Variants in LINGO2 observed in about 807,000 individuals in gnomAD.
LINGO2 encodes leucine-rich repeat and immunoglobulin-like domain-containing nogo receptor-interacting protein 2.
LINGO2 carries 14 observed loss-of-function variants against 30.6 expected under a neutral mutation model. That is an observed-to-expected ratio of 0.46 (90% CI 0.30 to 0.72). LINGO2 has a LOEUF of 0.72. Ranked by LOEUF, LINGO2 falls within the 30% of genes least tolerant of loss-of-function variation. The pLI is 0.07. For synonymous variants in LINGO2, 317 were observed against 288.5 expected, an observed-to-expected ratio of 1.10 and a Z score of -1.00; for missense variants, 729 against 751.7, an observed-to-expected ratio of 0.97 and a Z score of 0.35.
intron 3 of LINGO2, among the ~76,000 whole-genome samples, chr9:28,301,299 C>CCACT (rs1367592689): frequency 6.6e-6 from 1 of 151,962 alleles, no homozygotes; most frequent in Non-Finnish European, 1.5e-5. Flanking sequence ...GAGTCACCAT[C>CCACT]CACTGCTCTC....
intron 5 of LINGO2, among the ~76,000 whole-genome samples, chr9:27,952,178 T>TA (rs926900977): frequency 1.3e-5 from 2 of 151,970 alleles, no homozygotes; most frequent in Non-Finnish European, 1.5e-5. Flanking sequence ...AAATGTAATT[T>TA]AAAAAAAATT....
the LINGO2 span, among the ~76,000 whole-genome samples, chr9:28,893,848 C>G: frequency 1.3e-5 from 2 of 151,528 alleles, no homozygotes; most frequent in African/African-American, 4.9e-5. Context: ...TGTGCTGCAC[C>G]CATTCACTGG....
intron 2 of LINGO2, among the ~76,000 whole-genome samples, chr9:28,452,321 C>T (rs940124835): frequency 5.3e-5 from 8 of 151,644 alleles, no homozygotes; most frequent in South Asian, 2.1e-4. Flanking sequence ...ACAGCTTTCA[C>T]GAACTACATT....
At chr9:28,482,642 A>G (rs77465196) in intron 1 of LINGO2, among the ~76,000 whole-genome samples, 3 of 151,822 alleles carry the variant, frequency 2.0e-5, no homozygotes, top group South Asian at 2.1e-4. Context: ...GATCCCATTT[A>G]TCAATTTTGG....
chr9:28,551,502 C>A lies in LINGO2; in HGVS notation c.-364-75477G>T, dbSNP rs184588833. Among the ~76,000 whole-genome samples the A allele has an allele frequency of 6.5e-3, 984 of 151,866 alleles. 8 individuals carry two copies. Among genetic ancestry groups the A allele is most frequent in the Admixed American group, 0.013 (191 of 15,222 alleles). On this transcript the variant is annotated intron_variant, in intron 1 of 5. Coordinates refer to ENST00000379992, the Ensembl canonical transcript of LINGO2. Reference sequence around the variant, plus strand: ...TAAAATTTCCAGTGTTCTAAAATAACAATATTTTAAAATTATGTTCTGCTT... The same window carrying A: ...TAAAATTTCCAGTGTTCTAAAATAAAAATATTTTAAAATTATGTTCTGCTT...
the LINGO2 span, among the ~76,000 whole-genome samples, chr9:28,732,212 C>G: frequency 9.7e-4 from 147 of 152,186 alleles, no homozygotes; most frequent in African/African-American, 3.2e-3. Flanking sequence ...TCAGCCCTCA[C>G]TGATCTGCAG....
chr9:28,769,944 C>G, the LINGO2 span, among the ~76,000 whole-genome samples: 246 of 152,196 alleles, frequency 1.6e-3, 1 homozygote, highest in African/African-American at 5.6e-3. Context: ...CTAGCTCTCT[C>G]TCCTAACTTC....
At chr9:28,942,430 CA>C in the LINGO2 span, among the ~76,000 whole-genome samples, 1 of 152,052 alleles carries the variant, frequency 6.6e-6, no homozygotes, top group Admixed American at 6.6e-5. Context: ...TAGAAATCAC[CA>C]AAAACCAAAT....
intron 3 of LINGO2, among the ~76,000 whole-genome samples, chr9:28,325,096 C>T (rs746284030): frequency 1.2e-4 from 18 of 151,762 alleles, no homozygotes; most frequent in Non-Finnish European, 2.1e-4. Context: ...TCTCCCCCTA[C>T]CTATCCCCCA....
chr9:28,617,369 C>G (rs1404041833), intron 1 of LINGO2, among the ~76,000 whole-genome samples: 1 of 151,602 alleles, frequency 6.6e-6, no homozygotes, highest in Non-Finnish European at 1.5e-5. Context: ...GATCTCGGAT[C>G]ACTGCAACTT....
At chr9:28,134,237 C>T (rs987874892) in intron 4 of LINGO2, among the ~76,000 whole-genome samples, 2 of 152,252 alleles carry the variant, frequency 1.3e-5, no homozygotes, top group East Asian at 3.9e-4. Flanking sequence ...TTTCACTTAG[C>T]AGCCACAGTG....
intron 1 of LINGO2, among the ~76,000 whole-genome samples, chr9:28,535,590 A>G (rs1374813978): frequency 6.6e-6 from 1 of 152,156 alleles, no homozygotes; most frequent in Non-Finnish European, 1.5e-5. Context: ...GCAGCAAGGT[A>G]GGCTAAGACT....
intron 1 of LINGO2, among the ~76,000 whole-genome samples, chr9:28,490,997 T>G (rs1022671164): frequency 6.6e-6 from 1 of 152,148 alleles, no homozygotes; most frequent in Non-Finnish European, 1.5e-5. Flanking sequence ...GTATATAGAG[T>G]TACTAGAAAA....
At chr9:28,207,719 C>G (rs1041112199) in intron 4 of LINGO2, among the ~76,000 whole-genome samples, 1 of 152,012 alleles carries the variant, frequency 6.6e-6, no homozygotes, top group African/African-American at 2.4e-5. Context: ...TTTATGAGTT[C>G]AAAAGAAAAG....
At chr9:28,137,198 G>GACACACACACACACAC (rs3064725) in intron 4 of LINGO2, among the ~76,000 whole-genome samples, 1 of 148,104 alleles carries the variant, frequency 6.8e-6, no homozygotes, top group South Asian at 2.2e-4. Context: ...GAAAATCCCT[G>GACACACACACACACAC]ACACACACAC....
At chr9:28,321,041 T>C (rs915721547) in intron 3 of LINGO2, among the ~76,000 whole-genome samples, 9 of 149,108 alleles carry the variant, frequency 6.0e-5, no homozygotes, top group African/African-American at 2.0e-4. Flanking sequence ...ATGAATAAGT[T>C]ACTTTAATTT....
intron 4 of LINGO2, among the ~76,000 whole-genome samples, chr9:28,092,794 G>A (rs1242872359): frequency 6.6e-6 from 1 of 152,008 alleles, no homozygotes; most frequent in Non-Finnish European, 1.5e-5. Context: ...TTCCTTACTT[G>A]TATGATCAAT....
At chr9:27,979,679 C>A (rs1820763671) in intron 5 of LINGO2, among the ~76,000 whole-genome samples, 1 of 151,786 alleles carries the variant, frequency 6.6e-6, no homozygotes. Flanking sequence ...ATTTACTTCC[C>A]CTATAGTTCA....
intron 1 of LINGO2, among the ~76,000 whole-genome samples, chr9:28,482,337 C>G (rs572043010): frequency 1.2e-3 from 183 of 152,214 alleles, no homozygotes; most frequent in Admixed American, 6.3e-3. Flanking sequence ...GAGATGGTAT[C>G]TCACTGTGGT....
Sources: allele counts gnomAD v4.1 joint callset (sites outside exome capture counted in the v4.1 genomes callset), GRCh38; gene constraint gnomAD v4.1.1; transcripts MANE v1.5; gene names NCBI Gene and HGNC (gene_info 2026-07-23, HGNC 2026-07-21).